Variants in HTR4 observed in about 807,000 individuals in gnomAD.
HTR4 encodes the protein 5-hydroxytryptamine (serotonin) receptor 4, G protein-coupled.
HTR4 carries 16 observed loss-of-function variants against 36.8 expected under a neutral mutation model. That is an observed-to-expected ratio of 0.43 (90% CI 0.29 to 0.66). The LOEUF (loss-of-function observed/expected upper bound fraction) is 0.66. Among genes scored for constraint, HTR4 ranks in the 30% least tolerant of loss-of-function variants. The pLI is 0.13. For missense variants in HTR4, 438 were observed against 490.9 expected (o/e 0.89, Z 1.02); for synonymous variants, 189 against 185.1 (o/e 1.02, Z -0.17).
intron 2 of HTR4, among the ~76,000 whole-genome samples, chr5:148,576,110 CAAA>C (rs781780161): frequency 2.2e-3 from 73 of 32,714 alleles, no homozygotes; most frequent in African/African-American, 8.8e-3. Flanking sequence ...GACTCCGTCT[CAAA>C]AAAAAAAAAA....
At position 148,654,209 on chromosome 5, in the gene HTR4, AG is replaced by A. The variant is rs1272722878; in HGVS notation, c.-196del. 1 of 984,846 alleles carries A rather than the reference AG, an allele frequency of 1.0e-6. No individual in the cohort carries two copies. The highest frequency in any genetic ancestry group is 1.8e-5 in the African/African-American group (1 of 57,090). 61.0% of individuals were successfully genotyped at this position (984,846 alleles called of 1,614,324 possible). ...TGCCGCCCCCTCGGGTGCGGGCTCC[AG>A]CCCCCGCGCTGGGGAGCCGGCGAGC... On this transcript the variant is annotated 5_prime_UTR_variant, in exon 1 of 7. Transcript: ENST00000377888.
At chr5:148,456,985 T>C (rs1561557938) in intron 5 of HTR4, among the ~76,000 whole-genome samples, 1 of 152,380 alleles carries the variant, frequency 6.6e-6, no homozygotes. Flanking sequence ...ATTCACTTGT[T>C]AATTGATCAC....
rs114448023 is a variant in HTR4 at position 148,541,690 on chromosome 5, A to G, written c.353+6978T>C. 1.0e-3 allele frequency among the ~76,000 whole-genome samples: 156 copies of G among 152,350 alleles called. 1 individual carries two copies. Among genetic ancestry groups the G allele is most frequent in the African/African-American group, 3.5e-3 (147 of 41,574 alleles). On this transcript the variant is annotated intron_variant, in intron 4 of 6. Coordinates refer to ENST00000377888, the MANE Select transcript of HTR4 (RefSeq NM_000870.7). ...ACATATATTCAGGGAATGATAACAGATCACTCATGGGTAGGAGTTGAGGTA... is the reference window on the plus strand; with the variant it reads ...ACATATATTCAGGGAATGATAACAGGTCACTCATGGGTAGGAGTTGAGGTA...
At chr5:148,623,171 A>C (rs756022078) in intron 2 of HTR4, among the ~76,000 whole-genome samples, 6 of 152,184 alleles carry the variant, frequency 3.9e-5, no homozygotes, top group Non-Finnish European at 7.3e-5. Context: ...AGAAAAGACA[A>C]CAGAACAGAA....
intron 2 of HTR4, among the ~76,000 whole-genome samples, chr5:148,600,297 CAT>C (rs1467004994): frequency 2.7e-5 from 4 of 146,940 alleles, no homozygotes; most frequent in Non-Finnish European, 6.0e-5. Flanking sequence ...TATATAAACA[CAT>C]ATATATTATA....
At chr5:148,496,549 G>A (rs769938047) in intron 6 of HTR4, among the ~76,000 whole-genome samples, 7 of 152,138 alleles carry the variant, frequency 4.6e-5, no homozygotes, top group Non-Finnish European at 7.4e-5. Flanking sequence ...CTGTCCTAAC[G>A]TAAAAGATGT....
rs1755982051 is a variant in HTR4, at chr5:148,483,312, T to C, written c.1077-19A>G. ...TGCATCCCTAGAGAGAGGAGAAGAT[T>C]ACAGAACCTCAGAATTGGAAAGGAT... On this transcript the variant is annotated intron_variant, in intron 6 of 6. Transcript: ENST00000377888. 6.2e-7 allele frequency: 1 copy of C among 1,602,836 alleles called. No individual in the cohort carries two copies. Among genetic ancestry groups the C allele is most frequent in the African/African-American group, 1.3e-5 (1 of 74,712 alleles).
At chr5:148,533,809 G>C (rs1758685948) in intron 4 of HTR4, among the ~76,000 whole-genome samples, 1 of 152,148 alleles carries the variant, frequency 6.6e-6, no homozygotes, top group South Asian at 2.1e-4. Context: ...CTCCTTCACT[G>C]TGAGAATTGA....
chr5:148,570,464 A>G (rs1022372421), intron 2 of HTR4, among the ~76,000 whole-genome samples: 2 of 152,126 alleles, frequency 1.3e-5, no homozygotes, highest in African/African-American at 4.8e-5. Flanking sequence ...CACTTTCTTG[A>G]GGAGATGATA....
chr5:148,474,586 A>C (rs553542707), downstream of HTR4, among the ~76,000 whole-genome samples: 54 of 152,314 alleles, frequency 3.5e-4, 1 homozygote, highest in Middle Eastern at 6.8e-3. Flanking sequence ...ACTCCAGACC[A>C]ATTTAAATGA....
intron 2 of HTR4, among the ~76,000 whole-genome samples, 188 bp downstream of exon 2, chr5:148,636,801 C>T (rs184666084): frequency 1.0e-3 from 158 of 152,238 alleles, no homozygotes; most frequent in African/African-American, 3.5e-3. Flanking sequence ...AGTCATATTA[C>T]GTTTTTCATT....
chr5:148,510,052 AG>A (rs1406316614), intron 5 of HTR4, 28 bp from the exon 6 acceptor site: 10 of 1,469,416 alleles, frequency 6.8e-6, no homozygotes, highest in Non-Finnish European at 9.4e-6. Flanking sequence ...AGAGGAAATG[AG>A]GAAAGGAGGT....
In HTR4 at chr5:148,509,904, G is replaced by A; in HGVS notation, c.628C>T (p.Leu210=). The change falls in exon 6 of 7, where the codon CTG becomes TTG. Residue 210 remains leucine (L), a synonymous_variant. Transcript: ENST00000377888. ...AFYIPFLLMV[L]AYYRIYVTAK... is the part of the protein sequence containing the mutation. ...GTGACATAGATGCGGTAATAGGCCAGCACCATGAGGAGAAATGGGATGTAG... is the reference window on the plus strand; with the variant it reads ...GTGACATAGATGCGGTAATAGGCCAACACCATGAGGAGAAATGGGATGTAG... The A allele has an allele frequency of 1.9e-6, 3 of 1,614,038 alleles. No homozygotes were observed. Among genetic ancestry groups the A allele is most frequent in the Non-Finnish European group, 1.7e-6 (2 of 1,179,994 alleles).
At chr5:148,625,105 G>T (rs1335981490) in intron 2 of HTR4, among the ~76,000 whole-genome samples, 3 of 152,164 alleles carry the variant, frequency 2.0e-5, no homozygotes, top group Non-Finnish European at 2.9e-5. Flanking sequence ...ATTGGTGAAA[G>T]AAAGAGGGGA....
intron 1 of HTR4, among the ~76,000 whole-genome samples, chr5:148,643,103 A>G (rs899673607): frequency 6.6e-6 from 1 of 152,230 alleles, no homozygotes; most frequent in African/African-American, 2.4e-5. Flanking sequence ...TGAATATCCA[A>G]TACGGACGCC....
At chr5:148,603,904 A>C (rs1752028103) in intron 2 of HTR4, among the ~76,000 whole-genome samples, 1 of 152,094 alleles carries the variant, frequency 6.6e-6, no homozygotes, top group Non-Finnish European at 1.5e-5. Flanking sequence ...TCACGGACTT[A>C]AGATACAGAG....
intron 5 of HTR4, among the ~76,000 whole-genome samples, chr5:148,468,865 G>C (rs890696183): frequency 2.0e-5 from 3 of 152,088 alleles, no homozygotes; most frequent in African/African-American, 4.8e-5. Flanking sequence ...ATGATAATGT[G>C]TGAGTTCTCA....
rs560937230 is a variant in HTR4, at chr5:148,574,722, G to A, written c.27-24460C>T. Among the ~76,000 whole-genome samples, 30 of 152,192 alleles carry A rather than the reference G, an allele frequency of 2.0e-4. No individual in the cohort carries two copies. The South Asian group carries it at 4.1e-3, about 21-fold the overall frequency. On this transcript the variant is annotated intron_variant, in intron 2 of 6. Coordinates refer to ENST00000377888, the MANE Select transcript of HTR4 (RefSeq NM_000870.7). ...TACTTGCTGGGGCTGGTGACAGAACGTCGGGCTTGAGGGACCACAGTTCCT... is the reference window on the plus strand; with the variant it reads ...TACTTGCTGGGGCTGGTGACAGAACATCGGGCTTGAGGGACCACAGTTCCT...
intron 4 of HTR4, 67 bp downstream of exon 4, chr5:148,548,601 C>G (rs1029494614): frequency 1.6e-6 from 2 of 1,244,674 alleles, no homozygotes. Flanking sequence ...AAGGCAGACA[C>G]TGCCCAATAT....
Sources: gnomAD v4.1 joint callset for allele counts (sites outside exome capture counted in the v4.1 genomes callset) on GRCh38, gnomAD v4.1.1 for gene constraint, MANE v1.5 for transcripts, NCBI Gene and HGNC (gene_info 2026-07-23, HGNC 2026-07-21) for gene names.